The following RSRC1 variants were observed in gnomAD, a reference collection of about 807,000 sequenced individuals.
RSRC1 encodes serine/Arginine-related protein 53.
A neutral mutation model predicts 49.1 loss-of-function variants in RSRC1; 39 were observed. That is an observed-to-expected ratio of 0.79 (90% CI 0.61 to 1.04). RSRC1 has a LOEUF of 1.04. Among genes scored for constraint, RSRC1 ranks in the 50% least tolerant of loss-of-function variants. The pLI is 0.00. For missense variants in RSRC1, 388 were observed against 402.4 expected (o/e 0.96, Z 0.31); for synonymous variants, 143 against 130.8 (o/e 1.09, Z -0.63).
chr3:158,159,258 A>G (rs1046839036), intron 3 of RSRC1, among the ~76,000 whole-genome samples: 7 of 152,212 alleles, frequency 4.6e-5, no homozygotes, highest in African/African-American at 1.7e-4. Flanking sequence ...GATGTGCTGC[A>G]AAACTATGAA....
chr3:158,149,322 A>G (rs997298341), intron 3 of RSRC1, among the ~76,000 whole-genome samples: 1 of 152,154 alleles, frequency 6.6e-6, no homozygotes, highest in Non-Finnish European at 1.5e-5. Context: ...GAGTGAGGGA[A>G]TCTGATTGAC....
At chr3:158,518,083 C>T (rs1164536292) in intron 7 of RSRC1, among the ~76,000 whole-genome samples, 1 of 118,662 alleles carries the variant, frequency 8.4e-6, no homozygotes, top group Non-Finnish European at 1.7e-5. Flanking sequence ...TGCATATGTA[C>T]GTAAGTGCGT....
chr3:158,503,433 C>T (rs761788178), intron 7 of RSRC1, among the ~76,000 whole-genome samples: 12 of 152,020 alleles, frequency 7.9e-5, no homozygotes, highest in South Asian at 6.3e-4. Context: ...CAGTGGTGGG[C>T]GGGGCCCTAG....
intron 4 of RSRC1, chr3:158,275,704 A>G (rs1725770629): frequency 2.5e-6 from 1 of 397,118 alleles, no homozygotes; most frequent in Non-Finnish European, 3.9e-6. Context: ...TTTGATATTC[A>G]TGAAATAATC....
chr3:158,426,264 A>G (rs1735434443), intron 6 of RSRC1, among the ~76,000 whole-genome samples: 1 of 151,810 alleles, frequency 6.6e-6, no homozygotes, highest in South Asian at 2.1e-4. Context: ...AAACAAAGTC[A>G]AAAGATATAA....
At chr3:158,373,853 A>T (rs1732213187) in intron 6 of RSRC1, among the ~76,000 whole-genome samples, 1 of 152,044 alleles carries the variant, frequency 6.6e-6, no homozygotes, top group Non-Finnish European at 1.5e-5. Flanking sequence ...GTATTTAAAC[A>T]CCACTGGAGT....
intron 5 of RSRC1, among the ~76,000 whole-genome samples, chr3:158,328,120 G>A (rs1052501033): frequency 2.0e-4 from 31 of 151,840 alleles, no homozygotes; most frequent in Non-Finnish European, 4.6e-4. Flanking sequence ...TTGAGCCTAT[G>A]TGTGTCTCTG....
intron 4 of RSRC1, among the ~76,000 whole-genome samples, chr3:158,268,624 A>G (rs1725337924): frequency 6.6e-6 from 1 of 152,180 alleles, no homozygotes; most frequent in Non-Finnish European, 1.5e-5. Context: ...TTTTGTGATT[A>G]GACTATTTGT....
At chr3:158,127,875 A>G (rs1026290928) in intron 3 of RSRC1, among the ~76,000 whole-genome samples, 3 of 150,960 alleles carry the variant, frequency 2.0e-5, no homozygotes, top group Non-Finnish European at 2.9e-5. Context: ...GCTTTTTTCA[A>G]TATATGCCAG....
At chr3:158,136,006 G>T (rs1382302581) in intron 3 of RSRC1, among the ~76,000 whole-genome samples, 1 of 152,178 alleles carries the variant, frequency 6.6e-6, no homozygotes, top group African/African-American at 2.4e-5. Flanking sequence ...AGGAAACATG[G>T]ATATGCATGC....
At chr3:158,262,585 CAG>C (rs1724963275) in intron 4 of RSRC1, among the ~76,000 whole-genome samples, 1 of 152,070 alleles carries the variant, frequency 6.6e-6, no homozygotes, top group South Asian at 2.1e-4. Context: ...ATCATCTTGT[CAG>C]TTCTATAAAA....
At chr3:158,421,089 T>G (rs986002677) in intron 6 of RSRC1, among the ~76,000 whole-genome samples, 2 of 151,878 alleles carry the variant, frequency 1.3e-5, no homozygotes, top group African/African-American at 4.8e-5. Flanking sequence ...TCCCAAGATG[T>G]TAGACTTTCA....
chr3:158,318,029 G>C (rs1363976193), intron 5 of RSRC1, among the ~76,000 whole-genome samples: 1 of 47,136 alleles, frequency 2.1e-5, no homozygotes, highest in Non-Finnish European at 4.7e-5. Context: ...GTGTGTGCGT[G>C]TGTGTGTGTG....
chr3:158,145,471 G>C (rs1315255429), intron 3 of RSRC1, among the ~76,000 whole-genome samples: 1 of 152,148 alleles, frequency 6.6e-6, no homozygotes. Context: ...TGAGGGCTCT[G>C]TTCTGTTCCA....
intron 5 of RSRC1, among the ~76,000 whole-genome samples, chr3:158,325,289 A>G (rs905775811): frequency 1.1e-4 from 17 of 152,218 alleles, no homozygotes; most frequent in African/African-American, 4.1e-4. Context: ...TGTTTCAGAC[A>G]TGAAGTACTT....
intron 3 of RSRC1, among the ~76,000 whole-genome samples, chr3:158,136,377 G>A (rs1202866167): frequency 1.3e-5 from 2 of 152,102 alleles, no homozygotes; most frequent in Non-Finnish European, 2.9e-5. Flanking sequence ...TCCGCTAAAA[G>A]GAACTGAACA....
intron 1 of RSRC1, among the ~76,000 whole-genome samples, chr3:158,117,871 G>A (rs558561547): frequency 6.9e-6 from 1 of 145,414 alleles, no homozygotes; most frequent in South Asian, 2.1e-4. Context: ...TTTGTAAAAT[G>A]TCTGTCTCTT....
intron 4 of RSRC1, among the ~76,000 whole-genome samples, chr3:158,269,593 AC>A (rs1725390919): frequency 6.6e-6 from 1 of 151,984 alleles, no homozygotes; most frequent in Non-Finnish European, 1.5e-5. Context: ...GCTTACTGCA[AC>A]CTCTGCCTCC....
At chr3:158,533,916 ATCT>A (rs1174830559) in intron 7 of RSRC1, among the ~76,000 whole-genome samples, 1 of 151,628 alleles carries the variant, frequency 6.6e-6, no homozygotes, top group Non-Finnish European at 1.5e-5. Flanking sequence ...TGGGCAAAGA[ATCT>A]TCTCTCATTT....
Sources: allele counts gnomAD v4.1 joint callset (sites outside exome capture counted in the v4.1 genomes callset), GRCh38; gene constraint gnomAD v4.1.1; transcripts MANE v1.5; gene names NCBI Gene and HGNC (gene_info 2026-07-23, HGNC 2026-07-21).